Variants in PACS1 observed in about 807,000 individuals in gnomAD.
The protein encoded by PACS1 is phosphofurin acidic cluster sorting protein 1, also known as PACS-1.
PACS1 carries 24 observed loss-of-function variants against 115.0 expected under a neutral mutation model. The observed-to-expected ratio is 0.21, with a 90% CI of 0.15 to 0.29. The LOEUF (loss-of-function observed/expected upper bound fraction) is 0.29. Among genes scored for constraint, PACS1 ranks in the 10% least tolerant of loss-of-function variants. The pLI is 1.00. For synonymous variants in PACS1, 453 were observed against 504.5 expected (o/e 0.90, Z 1.37); for missense variants, 838 against 1,251.2 (o/e 0.67, Z 4.98).
At chr11:66,176,692 G>A (rs1859871950) in intron 1 of PACS1, among the ~76,000 whole-genome samples, 1 of 152,036 alleles carries the variant, frequency 6.6e-6, no homozygotes, top group South Asian at 2.1e-4. Context: ...GGGATTACAT[G>A]CGTGAACCAT....
Position 66,239,127 on chromosome 11 carries a change from T to G in PACS1, c.2294-15T>G. 6.2e-7 allele frequency: 1 copy of G among 1,614,136 alleles called. No individual in the cohort carries two copies. The highest frequency in any genetic ancestry group is 1.3e-5 in the African/African-American group (1 of 75,070). ...TTCCTCTGGCCAACTGTGTTTGTCG[T>G]TTGTCCCCTGACAGGCGATGGGGAC... On this transcript the variant is annotated splice_polypyrimidine_tract_variant and intron_variant, in intron 20 of 23. Transcript: ENST00000320580.
chr11:66,085,125 A>T (rs1310297502), intron 1 of PACS1, among the ~76,000 whole-genome samples: 1 of 152,248 alleles, frequency 6.6e-6, no homozygotes, highest in Non-Finnish European at 1.5e-5. Context: ...TCACTAACGC[A>T]GCGAAATAGA....
intron 1 of PACS1, among the ~76,000 whole-genome samples, chr11:66,076,431 T>C (rs1309316398): frequency 6.6e-6 from 1 of 152,086 alleles, no homozygotes; most frequent in East Asian, 1.9e-4. Context: ...GACAGGGTCT[T>C]GTTCTGTTGC....
chr11:66,118,100 A>G (rs561629819), intron 1 of PACS1, among the ~76,000 whole-genome samples: 1 of 152,252 alleles, frequency 6.6e-6, no homozygotes, highest in Admixed American at 6.5e-5. Context: ...TTATTCATCT[A>G]CGTTAGTCTA....
intron 1 of PACS1, among the ~76,000 whole-genome samples, chr11:66,171,800 C>T (rs1481331026): frequency 1.4e-5 from 2 of 145,490 alleles, no homozygotes; most frequent in African/African-American, 2.8e-5. Flanking sequence ...AGGATGGTCT[C>T]GATCTCCTGA....
Position 66,207,874 on chromosome 11 carries a change from A to G in PACS1, c.445-2488A>G, listed in dbSNP as rs145313945. ...AACATCTGCCTCCTAGGCTGAAATG[A>G]TTCTCCCACACAGCCTCCTGAGTAG... On this transcript the variant is annotated intron_variant, in intron 2 of 23. Coordinates refer to ENST00000320580, the MANE Select transcript of PACS1 (RefSeq NM_018026.4). Among the ~76,000 whole-genome samples, 46 of 152,096 alleles carry G rather than the reference A, an allele frequency of 3.0e-4. 1 individual carries two copies. Among genetic ancestry groups the G allele is most frequent in the African/African-American group, 1.1e-3 (44 of 41,490 alleles).
At chr11:66,227,687 A>T (rs1035280861) in intron 11 of PACS1, 103 bp downstream of exon 11, 10 of 701,502 alleles carry the variant, frequency 1.4e-5, no homozygotes, top group Non-Finnish European at 2.4e-5. Context: ...AATTTCACCT[A>T]AATCTGCAGG....
At chr11:66,199,173 A>G (rs905517202) in intron 2 of PACS1, among the ~76,000 whole-genome samples, 2 of 151,944 alleles carry the variant, frequency 1.3e-5, no homozygotes, top group Admixed American at 6.6e-5. Flanking sequence ...AAATTAGCCA[A>G]GCGTGGTGGC....
At chr11:66,073,961 A>G (rs1005207999) in intron 1 of PACS1, among the ~76,000 whole-genome samples, 4 of 116,612 alleles carry the variant, frequency 3.4e-5, no homozygotes, top group African/African-American at 6.8e-5. Context: ...GGGTCTCACT[A>G]TGTTGCCCAG....
intron 10 of PACS1, among the ~76,000 whole-genome samples, chr11:66,223,078 A>C (rs917588571): frequency 5.0e-5 from 7 of 138,814 alleles, no homozygotes; most frequent in Non-Finnish European, 9.5e-5. Context: ...AAAAAAAAAA[A>C]CTCTTTCTAA....
At chr11:66,212,329 T>G (rs1424265311) in intron 4 of PACS1, among the ~76,000 whole-genome samples, 2 of 151,562 alleles carry the variant, frequency 1.3e-5, no homozygotes, top group East Asian at 1.9e-4. Context: ...AGACGGGGTT[T>G]CACCATGTTG....
intron 1 of PACS1, among the ~76,000 whole-genome samples, chr11:66,144,028 T>C (rs1163274713): frequency 6.6e-6 from 1 of 152,238 alleles, no homozygotes; most frequent in Non-Finnish European, 1.5e-5. Flanking sequence ...GTGAAGTAAA[T>C]GTGTTGTCAC....
chr11:66,214,813 G>A (rs1855161871), intron 4 of PACS1, among the ~76,000 whole-genome samples: 1 of 151,470 alleles, frequency 6.6e-6, no homozygotes, highest in Non-Finnish European at 1.5e-5. Context: ...GTAGAGACGG[G>A]GTTCCACCAT....
At position 66,236,287 on chromosome 11, in the gene PACS1, T is replaced by G. The variant is rs906052500; in HGVS notation, c.2250+347T>G. ...TGTCCGCCTTTTCCAAATCACGAAC[T>G]GTTCCTGGGTCCATCACTGATGTCT... On this transcript the variant is annotated intron_variant, in intron 19 of 23. Transcript: ENST00000320580. The surrounding 1 kb of genome is among the most constrained non-coding windows in gnomAD (Gnocchi z 4.2). 1.3e-5 allele frequency among the ~76,000 whole-genome samples: 2 copies of G among 152,216 alleles called. No individual in the cohort carries two copies. Among genetic ancestry groups the G allele is most frequent in the African/African-American group, 4.8e-5 (2 of 41,456 alleles).
chr11:66,226,434 A>G (rs1243198224), intron 10 of PACS1, among the ~76,000 whole-genome samples: 1 of 152,192 alleles, frequency 6.6e-6, no homozygotes, highest in Non-Finnish European at 1.5e-5. Flanking sequence ...GTCACAAATG[A>G]GGGAGTGGAG....
chr11:66,101,065 A>C (rs1857906024), intron 1 of PACS1, among the ~76,000 whole-genome samples: 1 of 152,206 alleles, frequency 6.6e-6, no homozygotes. Flanking sequence ...TTTTCATGAG[A>C]GGACTGTTAA....
At chr11:66,147,971 A>G (rs1389618331) in intron 1 of PACS1, among the ~76,000 whole-genome samples, 1 of 152,090 alleles carries the variant, frequency 6.6e-6, no homozygotes, top group South Asian at 2.1e-4. Context: ...CACCTTCTAT[A>G]TACCCACAAA....
intron 1 of PACS1, among the ~76,000 whole-genome samples, chr11:66,153,548 C>A (rs1003501348): frequency 1.3e-5 from 2 of 151,998 alleles, no homozygotes. Context: ...TTGGGAGGCT[C>A]AGGTGGGCGG....
At chr11:66,111,261 C>G (rs1057411754) in intron 1 of PACS1, among the ~76,000 whole-genome samples, 1 of 152,276 alleles carries the variant, frequency 6.6e-6, no homozygotes, top group South Asian at 2.1e-4. Context: ...CTGTATAGAA[C>G]AACTCCATTA....
Sources: gnomAD v4.1 joint callset for allele counts (sites outside exome capture counted in the v4.1 genomes callset) on GRCh38, gnomAD v4.1.1 for gene constraint, Gnocchi (gnomAD v3.1) non-coding constraint, MANE v1.5 for transcripts, NCBI Gene and HGNC (gene_info 2026-07-23, HGNC 2026-07-21) for gene names.